Variants in EIF4G3 observed in about 807,000 individuals in gnomAD.
EIF4G3 encodes eIF-4-gamma 3.
In EIF4G3, 34 loss-of-function variants were observed where a neutral mutation model predicts 186.4. The observed-to-expected ratio is 0.18, with a 90% CI of 0.14 to 0.24. The LOEUF is 0.24. EIF4G3 is among the 10% of genes least tolerant of loss of function. The probability of loss-of-function intolerance (pLI) is 1.00; values close to 1 mark genes in which losing one functional copy is unlikely to be tolerated. For synonymous variants in EIF4G3, 673 were observed against 679.5 expected, an observed-to-expected ratio of 0.99 and a Z score of 0.15; for missense variants, 1,536 against 1,948.5, an observed-to-expected ratio of 0.79 and a Z score of 3.99.
At chr1:21,073,335 A>G (rs954454878) in intron 3 of EIF4G3, among the ~76,000 whole-genome samples, 2 of 152,180 alleles carry the variant, frequency 1.3e-5, no homozygotes, top group Non-Finnish European at 2.9e-5. Flanking sequence ...TCACATTTAA[A>G]TTAATGAAAA....
chr1:21,166,430 G>A (rs1056600480), intron 2 of EIF4G3, among the ~76,000 whole-genome samples: 2 of 151,870 alleles, frequency 1.3e-5, no homozygotes, highest in African/African-American at 4.8e-5. Flanking sequence ...ACCCCATCTC[G>A]AAAAAATGAA....
chr1:20,829,064 G>A, intron 31 of EIF4G3, 83 bp downstream of exon 31: 1 of 1,454,446 alleles, frequency 6.9e-7, no homozygotes, highest in Non-Finnish European at 9.4e-7. Context: ...GCGATAATGG[G>A]ACAGTACTAT....
At chr1:21,163,238 T>C (rs962773946) in intron 2 of EIF4G3, among the ~76,000 whole-genome samples, 1 of 152,196 alleles carries the variant, frequency 6.6e-6, no homozygotes, top group Non-Finnish European at 1.5e-5. Flanking sequence ...ATGTACCACA[T>C]TTAAATACAC....
At chr1:20,939,592 C>T (rs1490981491) in intron 14 of EIF4G3, among the ~76,000 whole-genome samples, 1 of 152,126 alleles carries the variant, frequency 6.6e-6, no homozygotes, top group African/African-American at 2.4e-5. Flanking sequence ...GATGCATGGT[C>T]TTTTCACTTT....
chr1:20,889,968 T>G (rs1020884983), intron 18 of EIF4G3, among the ~76,000 whole-genome samples: 2 of 151,852 alleles, frequency 1.3e-5, no homozygotes, highest in African/African-American at 4.8e-5. Flanking sequence ...ACAGCAAAGT[T>G]TTTGGTTTTT....
chr1:20,890,507 A>G (rs947760650), intron 18 of EIF4G3, among the ~76,000 whole-genome samples: 5 of 152,218 alleles, frequency 3.3e-5, no homozygotes, highest in Non-Finnish European at 5.9e-5. Flanking sequence ...CAGTGGTACA[A>G]TCTTGGCTCA....
intron 14 of EIF4G3, among the ~76,000 whole-genome samples, chr1:20,905,831 CT>C (rs1371526019): frequency 6.6e-6 from 1 of 152,058 alleles, no homozygotes; most frequent in Non-Finnish European, 1.5e-5. Flanking sequence ...AGAAAGGCCA[CT>C]TAATAGGGAA....
intron 20 of EIF4G3, among the ~76,000 whole-genome samples, chr1:20,869,532 T>C (rs1170899939): frequency 6.6e-6 from 1 of 151,646 alleles, no homozygotes; most frequent in East Asian, 1.9e-4. Context: ...TCCCAGCACT[T>C]TGGGAAGCTG....
intron 2 of EIF4G3, among the ~76,000 whole-genome samples, chr1:21,158,542 C>CTTATG (rs1421968578): frequency 1.3e-5 from 2 of 151,956 alleles, no homozygotes; most frequent in South Asian, 4.1e-4. Flanking sequence ...TTATGATAAC[C>CTTATG]AAATACTTAT....
intron 4 of EIF4G3, among the ~76,000 whole-genome samples, chr1:21,050,435 C>A (rs1002092759): frequency 9.2e-5 from 14 of 152,066 alleles, no homozygotes; most frequent in African/African-American, 3.4e-4. Context: ...ACAACCAAAC[C>A]AACAAACAAA....
chr1:20,942,038 G>C lies in EIF4G3; in HGVS notation c.1116C>G (p.Leu372=). The C allele has an allele frequency of 6.2e-7, 1 of 1,614,148 alleles. No homozygotes were observed. The highest frequency in any genetic ancestry group is 8.5e-7 in the Non-Finnish European group (1 of 1,180,008). Residue 372 remains leucine (L), a synonymous_variant, in exon 14 of 37, where the codon CTC becomes CTG. Transcript: ENST00000602326. ...GGTCTGATGTTTCTGTGCAAGATGT[G>C]AGGCTGGGTATAGGAATTGTGTCTT... The part of the protein sequence containing the change: ...PREDTIPIPS[L]TSCTETSDPL...
rs1214428133 is a variant in EIF4G3 at position 20,886,333 on chromosome 1, T to C, written c.2292A>G (p.Gln764=). ...TGATGATCTTTCTGGGTTCTCTTCTTTGGCCAGGTTGAGATCTTCGTGACC... is the reference window on the plus strand; with the variant it reads ...TGATGATCTTTCTGGGTTCTCTTCTCTGGCCAGGTTGAGATCTTCGTGACC... The part of the protein sequence containing the change: ...NVGSRRSQPG[Q]RREPRKIITV... Residue 764 remains glutamine, a synonymous_variant, in exon 19 of 37, where the codon CAA becomes CAG. Transcript: ENST00000602326. 1.2e-6 allele frequency: 2 copies of C among 1,614,058 alleles called. No homozygotes were observed. Among genetic ancestry groups the C allele is most frequent in the South Asian group, 2.2e-5 (2 of 91,054 alleles).
chr1:20,845,870 C>T (rs1330008952), intron 29 of EIF4G3, among the ~76,000 whole-genome samples: 1 of 151,992 alleles, frequency 6.6e-6, no homozygotes, highest in Non-Finnish European at 1.5e-5. Flanking sequence ...GGGAATAGCA[C>T]TGAATCTATA....
intron 14 of EIF4G3, among the ~76,000 whole-genome samples, chr1:20,927,849 G>A (rs749844606): frequency 6.6e-6 from 1 of 152,088 alleles, no homozygotes; most frequent in Non-Finnish European, 1.5e-5. Context: ...TAGAATGATT[G>A]CTACAGGTGT....
intron 2 of EIF4G3, among the ~76,000 whole-genome samples, chr1:21,092,661 A>C (rs2096244328): frequency 6.6e-6 from 1 of 152,196 alleles, no homozygotes; most frequent in Admixed American, 6.5e-5. Flanking sequence ...AAGCCAGAAG[A>C]ACAAAGCTGG....
chr1:21,042,679 C>G (rs2093651919), intron 4 of EIF4G3, among the ~76,000 whole-genome samples: 2 of 152,164 alleles, frequency 1.3e-5, no homozygotes, highest in South Asian at 4.1e-4. Flanking sequence ...TGACTAAACT[C>G]AAGACAATAT....
At chr1:21,043,234 T>C (rs1557673611) in intron 4 of EIF4G3, among the ~76,000 whole-genome samples, 1 of 152,136 alleles carries the variant, frequency 6.6e-6, no homozygotes, top group Non-Finnish European at 1.5e-5. Context: ...AAAATGAACA[T>C]CATCAACAAA....
chr1:21,143,419 GAA>G, intron 2 of EIF4G3, among the ~76,000 whole-genome samples: 1 of 152,058 alleles, frequency 6.6e-6, no homozygotes, highest in East Asian at 1.9e-4. Context: ...GGATAACTAA[GAA>G]AGAATACTAT....
chr1:20,914,211 C>G (rs2093614874), intron 14 of EIF4G3, among the ~76,000 whole-genome samples: 2 of 151,910 alleles, frequency 1.3e-5, no homozygotes. Context: ...ACCAAAGATG[C>G]CAATGTCTTA....
Sources: allele counts gnomAD v4.1 joint callset (sites outside exome capture counted in the v4.1 genomes callset), GRCh38; gene constraint gnomAD v4.1.1; transcripts MANE v1.5; gene names NCBI Gene and HGNC (gene_info 2026-07-23, HGNC 2026-07-21).